Variants in EXOC4 observed in about 807,000 individuals in gnomAD.
The protein encoded by EXOC4 is SEC8-like 1.
In EXOC4, 71 loss-of-function variants were observed where a neutral mutation model predicts 107.2. That is an observed-to-expected ratio of 0.66 (90% CI 0.55 to 0.81). The LOEUF is 0.81. EXOC4 is among the 30% of genes least tolerant of loss of function. The probability of loss-of-function intolerance (pLI) is 0.00; values close to 1 mark genes in which losing one functional copy is unlikely to be tolerated. For missense variants in EXOC4, 1,108 were observed against 1,189.6 expected (o/e 0.93, Z 1.01); for synonymous variants, 456 against 441.2 (o/e 1.03, Z -0.42).
At chr7:133,619,722 A>G (rs374470051) in intron 9 of EXOC4, among the ~76,000 whole-genome samples, 1 of 152,174 alleles carries the variant, frequency 6.6e-6, no homozygotes, top group Non-Finnish European at 1.5e-5. Context: ...GAGAAACCAT[A>G]TTGTCTGTTT....
chr7:133,601,833 A>C (rs1307301767), intron 9 of EXOC4: 3 of 152,300 alleles, frequency 2.0e-5, no homozygotes, highest in Non-Finnish European at 4.4e-5. Flanking sequence ...TGGTGGAGTT[A>C]AGTCAAGCCA....
chr7:133,591,979 C>T (rs1240865457), intron 9 of EXOC4, among the ~76,000 whole-genome samples: 3 of 152,158 alleles, frequency 2.0e-5, no homozygotes, highest in Non-Finnish European at 4.4e-5. Flanking sequence ...AAATTCACCT[C>T]CTGGGATTAT....
intron 17 of EXOC4, among the ~76,000 whole-genome samples, chr7:134,046,369 C>A (rs1290694468): frequency 6.6e-6 from 1 of 151,818 alleles, no homozygotes; most frequent in African/African-American, 2.4e-5. Flanking sequence ...ACCTGGGAGG[C>A]TGAGGCAGGA....
chr7:133,985,678 T>C (rs1794097216), intron 14 of EXOC4, among the ~76,000 whole-genome samples: 1 of 152,214 alleles, frequency 6.6e-6, no homozygotes, highest in African/African-American at 2.4e-5. Flanking sequence ...ATGCCCCAAA[T>C]TGCAATTCTT....
At chr7:133,933,079 G>A (rs1188859082) in intron 13 of EXOC4, among the ~76,000 whole-genome samples, 3 of 150,766 alleles carry the variant, frequency 2.0e-5, no homozygotes, top group African/African-American at 7.3e-5. Flanking sequence ...TTTCCTTTCA[G>A]TAGCTAACAG....
At chr7:133,621,089 CCTCCTTTGACTT>C (rs1180203291) in intron 9 of EXOC4, among the ~76,000 whole-genome samples, 3 of 152,202 alleles carry the variant, frequency 2.0e-5, no homozygotes, top group Non-Finnish European at 4.4e-5. Context: ...GCTAATGGAT[CCTCCTTTGACTT>C]ATGCTCATGG....
intron 10 of EXOC4, among the ~76,000 whole-genome samples, chr7:133,792,245 C>G (rs954737067): frequency 6.6e-6 from 1 of 152,038 alleles, no homozygotes; most frequent in Non-Finnish European, 1.5e-5. Context: ...TTAAACAGCT[C>G]ATATTGTTTC....
chr7:133,897,035 A>G (rs1799332256), intron 12 of EXOC4, among the ~76,000 whole-genome samples: 1 of 149,900 alleles, frequency 6.7e-6, no homozygotes, highest in Non-Finnish European at 1.5e-5. Flanking sequence ...AGAATCTAGT[A>G]GGAGATAATG....
intron 10 of EXOC4, among the ~76,000 whole-genome samples, chr7:133,639,261 A>G (rs1802788203): frequency 6.6e-6 from 1 of 152,202 alleles, no homozygotes; most frequent in Admixed American, 6.5e-5. Context: ...CTCAGAAAAC[A>G]GAAAGACACA....
At chr7:133,463,085 C>G (rs1798633314) in intron 7 of EXOC4, among the ~76,000 whole-genome samples, 1 of 151,922 alleles carries the variant, frequency 6.6e-6, no homozygotes, top group African/African-American at 2.4e-5. Flanking sequence ...TTTTAATAAC[C>G]TGCATGAAAG....
chr7:134,088,788 G>A, the EXOC4 span, among the ~76,000 whole-genome samples: 1 of 152,044 alleles, frequency 6.6e-6, no homozygotes, highest in African/African-American at 2.4e-5. Flanking sequence ...AAACATGATT[G>A]ACAAATTTGG....
chr7:133,269,743 A>T (rs17652997), intron 1 of EXOC4, among the ~76,000 whole-genome samples: 2,021 of 152,312 alleles, frequency 0.013, 17 homozygotes, highest in Middle Eastern at 0.031. Context: ...TATTAGAAAG[A>T]TAGTGTTCAT....
At chr7:133,355,404 T>G (rs1433911297) in intron 5 of EXOC4, among the ~76,000 whole-genome samples, 4 of 152,110 alleles carry the variant, frequency 2.6e-5, no homozygotes, top group Non-Finnish European at 5.9e-5. Flanking sequence ...GTCAGAGATT[T>G]GTAACGTCCT....
chr7:133,648,903 C>A (rs896994556), intron 10 of EXOC4, among the ~76,000 whole-genome samples: 9 of 152,198 alleles, frequency 5.9e-5, no homozygotes, highest in African/African-American at 2.2e-4. Flanking sequence ...TTTTTCTTAC[C>A]CATTTCTCTT....
intron 11 of EXOC4, among the ~76,000 whole-genome samples, chr7:133,871,868 G>A (rs1798758305): frequency 1.3e-5 from 2 of 152,226 alleles, no homozygotes; most frequent in Non-Finnish European, 2.9e-5. Context: ...AGGACCAAAT[G>A]AGTTAATAAT....
intron 10 of EXOC4, among the ~76,000 whole-genome samples, chr7:133,805,701 C>T (rs77566389): frequency 2.0e-4 from 30 of 152,264 alleles, no homozygotes; most frequent in East Asian, 1.2e-3. Context: ...TCTAAATAAA[C>T]GAACCAGCTT....
intron 13 of EXOC4, among the ~76,000 whole-genome samples, chr7:133,928,695 C>T (rs1403156933): frequency 6.6e-6 from 1 of 152,070 alleles, no homozygotes. Flanking sequence ...AGTGCTACTG[C>T]TGGAGGGAAA....
intron 17 of EXOC4, among the ~76,000 whole-genome samples, chr7:134,060,597 A>C (rs1201513683): frequency 2.6e-5 from 4 of 152,158 alleles, no homozygotes; most frequent in Non-Finnish European, 4.4e-5. Context: ...ATTTATCCCT[A>C]TTGGGTGACA....
chr7:133,448,878 G>A (rs1221903768), intron 7 of EXOC4, among the ~76,000 whole-genome samples: 1 of 152,108 alleles, frequency 6.6e-6, no homozygotes, highest in Non-Finnish European at 1.5e-5. Flanking sequence ...GCCGAGGTGG[G>A]TGGATCACTT....
Sources: allele counts gnomAD v4.1 joint callset (sites outside exome capture counted in the v4.1 genomes callset), GRCh38; gene constraint gnomAD v4.1.1; transcripts MANE v1.5; gene names NCBI Gene and HGNC (gene_info 2026-07-23, HGNC 2026-07-21).